Variants in DENND4A observed in about 807,000 individuals in gnomAD.
DENND4A encodes C-myc promoter-binding protein.
In DENND4A, 70 loss-of-function variants were observed where a neutral mutation model predicts 199.3. The ratio of observed to expected loss-of-function variants is 0.35; its 90% CI spans 0.29 to 0.43. DENND4A has a LOEUF of 0.43. Ranked by LOEUF, DENND4A falls within the 20% of genes least tolerant of loss-of-function variation. The pLI, the probability that DENND4A is intolerant of heterozygous loss-of-function variation, is 1.00. For missense variants in DENND4A, 1,723 were observed against 2,255.8 expected (o/e 0.76, Z 4.78); for synonymous variants, 686 against 766.9 (o/e 0.89, Z 1.74).
chr15:65,732,869 A>C, intron 7 of DENND4A, 51 bp from the exon 8 acceptor site: 1 of 1,121,068 alleles, frequency 8.9e-7, no homozygotes. Context: ...GTCATATGCT[A>C]TAAAGCTCAA....
chr15:65,776,838 G>A (rs1315616729), intron 1 of DENND4A, among the ~76,000 whole-genome samples: 1 of 152,162 alleles, frequency 6.6e-6, no homozygotes, highest in Non-Finnish European at 1.5e-5. Flanking sequence ...TGGAAAAGCA[G>A]GAAGACTCAG....
In DENND4A at chr15:65,691,290, C is replaced by G. The variant is rs1567010491; in HGVS notation, c.3304G>C (p.Glu1102Gln). The G allele has an allele frequency of 6.2e-7, 1 of 1,613,176 alleles. No individual in the cohort carries two copies. Among genetic ancestry groups the G allele is most frequent in the Admixed American group, 1.7e-5 (1 of 59,810 alleles). The change falls in exon 23 of 33, where the codon GAA becomes CAA. Residue 1102 changes from glutamate (E) to glutamine (Q), a missense_variant. Around this residue, in one of 6 missense-constraint regions of DENND4A, gnomAD observed 650 missense variants for 738.1 expected, o/e 0.88. Transcript: ENST00000443035. ...NQEATPGDIV[E>Q]KLGADAKILS... ...ATTTTTGCATCAGCTCCCAATTTTT[C>G]AACTATATCTCCAGGGGTTGCTTCC...
At chr15:65,717,398 G>C (rs958136990) in intron 13 of DENND4A, among the ~76,000 whole-genome samples, 1 of 152,056 alleles carries the variant, frequency 6.6e-6, no homozygotes, top group African/African-American at 2.4e-5. Flanking sequence ...TATTTGTAAA[G>C]TATACTGAAA....
Position 65,671,799 on chromosome 15 carries a change from G to T in DENND4A, c.4457C>A (p.Ala1486Glu), listed in dbSNP as rs371014425. The change falls in exon 25 of 33, where the codon GCA (alanine) becomes GAA (glutamate). Residue 1486 changes from alanine (A) to glutamate (E), a missense_variant. By Grantham distance (107) the Ala-to-Glu change is moderately radical. Coordinates refer to ENST00000443035, the MANE Select transcript of DENND4A (RefSeq NM_001320835.1). ...TTTTGCACAAAAGTGTACCTCCATT[G>T]CATAGTTCTGGAAGATATTTGTATT... ...ASNTNIFQNY[A>E]MEVLISSCSR... The T allele has an allele frequency of 6.3e-7, 1 of 1,596,586 alleles. No homozygotes were observed. Among genetic ancestry groups the T allele is most frequent in the Non-Finnish European group, 8.6e-7 (1 of 1,164,080 alleles).
At chr15:65,765,101 C>T (rs368410874) in intron 1 of DENND4A, among the ~76,000 whole-genome samples, 3 of 151,224 alleles carry the variant, frequency 2.0e-5, no homozygotes, top group African/African-American at 4.9e-5. Flanking sequence ...ATGAATTGTA[C>T]GAAAAAAAGA....
At chr15:65,709,719 A>AAAAATATATATAT (rs1218030026) in intron 14 of DENND4A, among the ~76,000 whole-genome samples, 9 of 51,472 alleles carry the variant, frequency 1.7e-4, no homozygotes, top group Admixed American at 2.5e-4. Flanking sequence ...AAAAAAAAAA[A>AAAAATATATATAT]ATATATATAT....
intron 14 of DENND4A, among the ~76,000 whole-genome samples, chr15:65,713,464 G>A (rs959790504): frequency 1.3e-5 from 2 of 152,118 alleles, no homozygotes; most frequent in Admixed American, 6.5e-5. Flanking sequence ...TGATTAAAAC[G>A]GCATTTGCCA....
rs950286292 is a variant in DENND4A, at chr15:65,663,812, GCTAA to G, written c.5587+514_5587+517del. On this transcript the variant is annotated intron_variant, in intron 32 of 32. Coordinates refer to ENST00000443035, the MANE Select transcript of DENND4A (RefSeq NM_001320835.1). ...CTACAGCCATGTGCCACCACATCTGGCTAACTTTTTTTTTTTTTTGGTAGAAATG... is the reference window on the plus strand; with the variant it reads ...CTACAGCCATGTGCCACCACATCTGGCTTTTTTTTTTTTTTGGTAGAAATG... Among the ~76,000 whole-genome samples the G allele has an allele frequency of 3.0e-4, 46 of 151,686 alleles. 1 individual carries two copies. Among genetic ancestry groups the G allele is most frequent in the Non-Finnish European group, 2.9e-5 (2 of 67,896 alleles).
chr15:65,666,142 T>C (rs1437548904), intron 29 of DENND4A, among the ~76,000 whole-genome samples: 1 of 152,218 alleles, frequency 6.6e-6, no homozygotes, highest in African/African-American at 2.4e-5. Flanking sequence ...TACCTATAAC[T>C]GCAGATAGTA....
intron 13 of DENND4A, among the ~76,000 whole-genome samples, chr15:65,716,157 G>C (rs946224387): frequency 6.6e-6 from 1 of 151,610 alleles, no homozygotes; most frequent in African/African-American, 2.4e-5. Flanking sequence ...CCAGTCTCAG[G>C]GACTGTGTAA....
chr15:65,733,015 T>A (rs191158815), intron 7 of DENND4A, among the ~76,000 whole-genome samples, 197 bp from the exon 8 acceptor site: 1 of 152,320 alleles, frequency 6.6e-6, no homozygotes, highest in East Asian at 1.9e-4. Flanking sequence ...CCAGTGACTT[T>A]TCACATTAAT....
intron 1 of DENND4A, among the ~76,000 whole-genome samples, chr15:65,775,345 C>T (rs2077255791): frequency 7.3e-6 from 1 of 137,344 alleles, no homozygotes; most frequent in African/African-American, 2.7e-5. Flanking sequence ...CACCCTGCCT[C>T]AAAAAGAAAA....
chr15:65,764,562 C>T (rs566950084), intron 1 of DENND4A, among the ~76,000 whole-genome samples: 3 of 152,102 alleles, frequency 2.0e-5, no homozygotes, highest in South Asian at 2.1e-4. Context: ...ACCCTGGAGG[C>T]GGAGGTTGCA....
intron 1 of DENND4A, among the ~76,000 whole-genome samples, chr15:65,786,595 A>G (rs1378017010): frequency 6.6e-6 from 1 of 152,210 alleles, no homozygotes; most frequent in Non-Finnish European, 1.5e-5. Context: ...AAAAATAAGT[A>G]AAACAAATAA....
intron 2 of DENND4A, among the ~76,000 whole-genome samples, chr15:65,757,368 C>CCACT (rs2076733516): frequency 6.6e-6 from 1 of 151,926 alleles, no homozygotes; most frequent in African/African-American, 2.4e-5. Flanking sequence ...CAGGCATAAG[C>CCACT]CACTGCACCT....
intron 23 of DENND4A, among the ~76,000 whole-genome samples, chr15:65,681,723 G>A (rs1441604105): frequency 6.6e-6 from 1 of 151,926 alleles, no homozygotes; most frequent in Non-Finnish European, 1.5e-5. Flanking sequence ...CCACAGGCAT[G>A]TGCCACCACA....
intron 11 of DENND4A, 83 bp from the exon 12 acceptor site, chr15:65,723,031 G>C (rs1444208082): frequency 9.7e-7 from 1 of 1,034,458 alleles, no homozygotes; most frequent in African/African-American, 1.7e-5. Flanking sequence ...TATAAAAACG[G>C]GAAAAGATTA....
In DENND4A at chr15:65,690,430, G is replaced by A. The variant is rs1396091031; in HGVS notation, c.4164C>T (p.Tyr1388=). ...ASKWYSRFTM[Y]TTSSKDQSSD... Reference sequence around the variant, plus strand: ...CCAAACTTACCTTAGATGATGTGGTGTACATGGTGAATCTTGAATACCATT... The same window carrying A: ...CCAAACTTACCTTAGATGATGTGGTATACATGGTGAATCTTGAATACCATT... The change falls in exon 23 of 33, where the codon TAC becomes TAT. Residue 1388 remains tyrosine (Y), a synonymous_variant. Transcript: ENST00000443035. 1.3e-5 allele frequency: 21 copies of A among 1,588,550 alleles called. No individual in the cohort carries two copies. Among genetic ancestry groups the A allele is most frequent in the South Asian group, 4.7e-5 (4 of 85,910 alleles).
chr15:65,684,707 T>A (rs1233856688), intron 23 of DENND4A, among the ~76,000 whole-genome samples: 2 of 152,160 alleles, frequency 1.3e-5, no homozygotes, highest in African/African-American at 4.8e-5. Flanking sequence ...TCAATTTTGA[T>A]AATGCCTAAC....
Sources: allele counts gnomAD v4.1 joint callset (sites outside exome capture counted in the v4.1 genomes callset), GRCh38; gene constraint gnomAD v4.1.1; regional missense constraint gnomAD v4.1.1; transcripts MANE v1.5; gene names NCBI Gene and HGNC (gene_info 2026-07-23, HGNC 2026-07-21).